The following GRB14 variants were observed in gnomAD, a reference collection of about 807,000 sequenced individuals.
GRB14 encodes growth factor receptor bound protein 14, also known as growth factor receptor-bound protein 14.
In GRB14, 38 loss-of-function variants were observed where a neutral mutation model predicts 69.1. That is an observed-to-expected ratio of 0.55 (90% CI 0.42 to 0.72). GRB14 has a LOEUF of 0.72. Ranked by LOEUF, GRB14 falls within the 30% of genes least tolerant of loss-of-function variation. The pLI, the probability that GRB14 is intolerant of heterozygous loss-of-function variation, is 0.00. For synonymous variants in GRB14, 247 were observed against 241.3 expected (o/e 1.02, Z -0.22); for missense variants, 666 against 666.1 (o/e 1.00, Z 0.00).
intron 2 of GRB14, among the ~76,000 whole-genome samples, chr2:164,563,891 T>C (rs538913095): frequency 1.0e-3 from 158 of 152,212 alleles, no homozygotes; most frequent in African/African-American, 3.7e-3. Context: ...GTCCAAGATA[T>C]ACAAAAATAA....
chr2:164,599,974 T>C (rs1350580313), intron 2 of GRB14, among the ~76,000 whole-genome samples: 1 of 152,232 alleles, frequency 6.6e-6, no homozygotes, highest in Non-Finnish European at 1.5e-5. Flanking sequence ...TCTAAATTAT[T>C]AACTTATAAA....
chr2:164,559,096 A>G (rs1219997535), intron 2 of GRB14, among the ~76,000 whole-genome samples: 1 of 152,190 alleles, frequency 6.6e-6, no homozygotes, highest in African/African-American at 2.4e-5. Context: ...CCATACAATC[A>G]ATAAAATATG....
At chr2:164,552,100 C>A (rs1383101064) in intron 2 of GRB14, among the ~76,000 whole-genome samples, 4 of 152,204 alleles carry the variant, frequency 2.6e-5, no homozygotes, top group Admixed American at 1.3e-4. Flanking sequence ...AAAACTCACT[C>A]AATCCCATGA....
At chr2:164,612,123 G>C (rs1690181252) in intron 2 of GRB14, among the ~76,000 whole-genome samples, 1 of 152,240 alleles carries the variant, frequency 6.6e-6, no homozygotes, top group African/African-American at 2.4e-5. Context: ...ACATCATATT[G>C]ACACATCTTT....
intron 2 of GRB14, chr2:164,574,076 A>G: frequency 1.0e-6 from 1 of 965,650 alleles, no homozygotes; most frequent in Non-Finnish European, 1.6e-6. Context: ...TAAATTCAGA[A>G]ACTCTGGTTT....
rs1467357328 is a variant in GRB14, at chr2:164,497,358, G to A, written c.1221+16C>T. 1 of 1,604,338 alleles carries A rather than the reference G, an allele frequency of 6.2e-7. No homozygotes were observed. Among genetic ancestry groups the A allele is most frequent in the Non-Finnish European group, 8.5e-7 (1 of 1,173,428 alleles). On this transcript the variant is annotated intron_variant, in intron 10 of 13. Transcript: ENST00000263915. ...TGAAATCATAAATATTTTGAAGCAT[G>A]TGAAGCTACTTGTACCCTCCAAGCG...
In GRB14 at chr2:164,527,002, G is replaced by T. The variant is rs1470451838; in HGVS notation, c.603+12C>A. 2 of 1,553,860 alleles carry T rather than the reference G, an allele frequency of 1.3e-6. No individual in the cohort carries two copies. Among genetic ancestry groups the T allele is most frequent in the Non-Finnish European group, 1.8e-6 (2 of 1,142,740 alleles). ...TTTATTTTCCGTAACTATTAGGAGGGATTTCACTTACCATTGGGTTTTTAA... is the reference window on the plus strand; with the variant it reads ...TTTATTTTCCGTAACTATTAGGAGGTATTTCACTTACCATTGGGTTTTTAA... On this transcript the variant is annotated intron_variant, in intron 4 of 13. Transcript: ENST00000263915.
chr2:164,574,715 G>A lies in GRB14; in HGVS notation c.325-26899C>T, dbSNP rs1012646104. 2.6e-5 allele frequency among the ~76,000 whole-genome samples: 4 copies of A among 152,086 alleles called. No homozygotes were observed. In the East Asian group the frequency reaches 7.7e-4, roughly 29 times the overall value. On this transcript the variant is annotated intron_variant, in intron 2 of 13. Coordinates refer to ENST00000263915, the MANE Select transcript of GRB14 (RefSeq NM_004490.3). ...AGCCATTTGGGAGGCTGAGACAGGA[G>A]GATGGCTTGAGGTCAAGGAATTTGA...
chr2:164,537,674 G>T (rs781239549), intron 3 of GRB14, among the ~76,000 whole-genome samples: 1 of 152,172 alleles, frequency 6.6e-6, no homozygotes, highest in African/African-American at 2.4e-5. Context: ...TCATGTAGCC[G>T]AGGCTATAAG....
At chr2:164,526,348 T>C (rs1687773376) in intron 4 of GRB14, among the ~76,000 whole-genome samples, 1 of 152,108 alleles carries the variant, frequency 6.6e-6, no homozygotes, top group African/African-American at 2.4e-5. Flanking sequence ...GAGGCTATTC[T>C]GACTTTTCTA....
intron 2 of GRB14, among the ~76,000 whole-genome samples, chr2:164,581,833 T>C (rs150013005): frequency 3.3e-5 from 5 of 152,314 alleles, no homozygotes; most frequent in African/African-American, 7.2e-5. Flanking sequence ...CTGGCTTTTA[T>C]ACATATTCAA....
chr2:164,560,556 GA>G (rs956528581), intron 2 of GRB14, among the ~76,000 whole-genome samples: 1 of 151,950 alleles, frequency 6.6e-6, no homozygotes, highest in African/African-American at 2.4e-5. Context: ...TAAGATAAAT[GA>G]TTTCTACATA....
chr2:164,571,378 C>A (rs572461178), intron 2 of GRB14, among the ~76,000 whole-genome samples: 1 of 152,294 alleles, frequency 6.6e-6, no homozygotes, highest in African/African-American at 2.4e-5. Flanking sequence ...TAACAAAACA[C>A]TCCTTAAACT....
At chr2:164,501,173 G>C (rs562161716) in intron 9 of GRB14, among the ~76,000 whole-genome samples, 1 of 151,994 alleles carries the variant, frequency 6.6e-6, no homozygotes, top group East Asian at 1.9e-4. Flanking sequence ...TCTTATTTTA[G>C]GGCTTAAAAG....
chr2:164,534,382 A>G (rs1197632834), intron 3 of GRB14, among the ~76,000 whole-genome samples: 1 of 152,208 alleles, frequency 6.6e-6, no homozygotes, highest in Non-Finnish European at 1.5e-5. Context: ...GCATAATTGA[A>G]TATCAGTTAA....
At chr2:164,582,884 A>T (rs1187686203) in intron 2 of GRB14, among the ~76,000 whole-genome samples, 1 of 152,122 alleles carries the variant, frequency 6.6e-6, no homozygotes, top group Non-Finnish European at 1.5e-5. Context: ...TTTCCCTGTG[A>T]TTGCTTGTCT....
At chr2:164,616,035 G>A (rs1402122189) in intron 2 of GRB14, among the ~76,000 whole-genome samples, 1 of 152,104 alleles carries the variant, frequency 6.6e-6, no homozygotes, top group African/African-American at 2.4e-5. Flanking sequence ...ATGTATGTAA[G>A]GGAAGGTATA....
At chr2:164,597,073 G>C (rs1334439986) in intron 2 of GRB14, among the ~76,000 whole-genome samples, 1 of 152,178 alleles carries the variant, frequency 6.6e-6, no homozygotes. Context: ...CAGTTCCACT[G>C]TTTGGTTGTA....
chr2:164,576,247 A>G (rs1287579046), intron 2 of GRB14, among the ~76,000 whole-genome samples: 2 of 152,050 alleles, frequency 1.3e-5, no homozygotes, highest in African/African-American at 4.8e-5. Context: ...CTATTAATTG[A>G]CTGTTATCCA....
Sources: allele counts gnomAD v4.1 joint callset (sites outside exome capture counted in the v4.1 genomes callset), GRCh38; gene constraint gnomAD v4.1.1; transcripts MANE v1.5; gene names NCBI Gene and HGNC (gene_info 2026-07-23, HGNC 2026-07-21).